The following LNX2 variants were observed in gnomAD, a reference collection of about 807,000 sequenced individuals.
The protein encoded by LNX2 is ligand of numb-protein X 2.
Under a neutral mutation model 66.2 loss-of-function variants are expected in LNX2, and 35 were observed. The ratio of observed to expected loss-of-function variants is 0.53; its 90% CI spans 0.40 to 0.70. The LOEUF (loss-of-function observed/expected upper bound fraction) is 0.70. Ranked by LOEUF, LNX2 falls within the 30% of genes least tolerant of loss-of-function variation. The probability of loss-of-function intolerance (pLI) is 0.00; values close to 1 mark genes in which losing one functional copy is unlikely to be tolerated. For missense variants in LNX2, 791 were observed against 850.8 expected, an observed-to-expected ratio of 0.93 and a Z score of 0.87; for synonymous variants, 337 against 315.6, an observed-to-expected ratio of 1.07 and a Z score of -0.72.
intron 2 of LNX2, among the ~76,000 whole-genome samples, chr13:27,572,142 T>C (rs9512750): frequency 0.57 from 86,666 of 152,052 alleles, 25,171 homozygotes; most frequent in African/African-American, 0.67. Flanking sequence ...CTTCTAAAAA[T>C]TTGTACCTAG....
chr13:27,610,499 C>T (rs918312828), intron 1 of LNX2, among the ~76,000 whole-genome samples: 1 of 152,082 alleles, frequency 6.6e-6, no homozygotes, highest in Non-Finnish European at 1.5e-5. Flanking sequence ...TCAAAAATTG[C>T]CTCAAAATGG....
intron 7 of LNX2, among the ~76,000 whole-genome samples, chr13:27,554,921 A>T (rs1313723253): frequency 2.0e-5 from 3 of 152,110 alleles, no homozygotes; most frequent in Non-Finnish European, 4.4e-5. Flanking sequence ...CATTATTGTC[A>T]TCCTACTGGT....
At chr13:27,615,842 T>C (rs1263509787) in intron 1 of LNX2, among the ~76,000 whole-genome samples, 1 of 152,210 alleles carries the variant, frequency 6.6e-6, no homozygotes, top group African/African-American at 2.4e-5. Context: ...TCTTTTGCTT[T>C]CCCTCTGACC....
At position 27,569,104 on chromosome 13, in the gene LNX2, A is replaced by AT; in HGVS notation, c.579dup (p.Ser194IlefsTer9). ...TCACTCCATGTGGAAAGAGACGCTGATGTCAAGTGCCGCTCCACAGGCACT... is the reference window on the plus strand; with the variant it reads ...TCACTCCATGTGGAAAGAGACGCTGATTGTCAAGTGCCGCTCCACAGGCACT... On this transcript the variant is annotated frameshift_variant, in exon 3 of 10. Transcript: ENST00000316334. LOFTEE classifies it high-confidence loss of function. The AT allele has an allele frequency of 6.2e-7, 1 of 1,613,374 alleles. No homozygotes were observed. The highest frequency in any genetic ancestry group is 8.5e-7 in the Non-Finnish European group (1 of 1,179,754).
chr13:27,618,049 G>A (rs1364743088), intron 1 of LNX2, among the ~76,000 whole-genome samples: 1 of 152,222 alleles, frequency 6.6e-6, no homozygotes, highest in Non-Finnish European at 1.5e-5. Flanking sequence ...AGTTCTGTCA[G>A]GATAGTTATT....
chr13:27,562,386 T>C, intron 5 of LNX2, 27 bp downstream of exon 5: 1 of 1,590,002 alleles, frequency 6.3e-7, no homozygotes, highest in South Asian at 1.1e-5. Flanking sequence ...CGGCCAAGCC[T>C]TTGGAATGAA....
At chr13:27,555,956 G>T (rs892816976) in intron 7 of LNX2, among the ~76,000 whole-genome samples, 6 of 152,148 alleles carry the variant, frequency 3.9e-5, no homozygotes, top group Non-Finnish European at 5.9e-5. Context: ...ATCTAAGTCT[G>T]TTGTAATGCT....
chr13:27,589,747 T>C (rs1955528212), intron 1 of LNX2, among the ~76,000 whole-genome samples: 1 of 152,208 alleles, frequency 6.6e-6, no homozygotes, highest in African/African-American at 2.4e-5. Context: ...TTACCTTAAT[T>C]TGGAAACAGA....
At chr13:27,551,762 C>T (rs1372235613) in intron 8 of LNX2, among the ~76,000 whole-genome samples, 1 of 152,182 alleles carries the variant, frequency 6.6e-6, no homozygotes, top group Non-Finnish European at 1.5e-5. Flanking sequence ...TGGGATGGAA[C>T]AAGGTCCCAT....
Position 27,562,394 on chromosome 13 carries a change from G to A in LNX2, c.1224+19C>T. ...ATCATTTCGGCCAAGCCTTTGGAAT[G>A]AAGGCCAAGAGGGTTTACCTGAATA... On this transcript the variant is annotated intron_variant, in intron 5 of 9. Coordinates refer to ENST00000316334, the MANE Select transcript of LNX2 (RefSeq NM_153371.4). The A allele has an allele frequency of 1.3e-6, 2 of 1,593,464 alleles. No homozygotes were observed. Among genetic ancestry groups the A allele is most frequent in the African/African-American group, 2.7e-5 (2 of 74,094 alleles).
chr13:27,590,605 A>T (rs1035447901), intron 1 of LNX2, among the ~76,000 whole-genome samples: 7 of 152,130 alleles, frequency 4.6e-5, no homozygotes, highest in Non-Finnish European at 7.3e-5. Context: ...GATGTTAGTA[A>T]ATAGGTGGTT....
At chr13:27,573,283 C>G (rs1458187290) in intron 2 of LNX2, among the ~76,000 whole-genome samples, 4 of 152,074 alleles carry the variant, frequency 2.6e-5, no homozygotes, top group Admixed American at 6.5e-5. Flanking sequence ...TATTAACTGA[C>G]CTGTCTATGG....
intron 2 of LNX2, among the ~76,000 whole-genome samples, chr13:27,580,529 G>A (rs1305423325): frequency 1.3e-5 from 2 of 152,068 alleles, no homozygotes; most frequent in African/African-American, 4.8e-5. Context: ...CACAAATGAC[G>A]TATACTGTAA....
At chr13:27,572,575 T>C (rs767644190) in intron 2 of LNX2, among the ~76,000 whole-genome samples, 4 of 152,194 alleles carry the variant, frequency 2.6e-5, no homozygotes, top group Admixed American at 6.5e-5. Context: ...AAGACCCAAA[T>C]AGGGATTTTT....
At chr13:27,612,669 G>A (rs558149317) in intron 1 of LNX2, among the ~76,000 whole-genome samples, 1 of 152,316 alleles carries the variant, frequency 6.6e-6, no homozygotes, top group South Asian at 2.1e-4. Context: ...CACAATCACA[G>A]CTCACTGCAG....
At chr13:27,553,005 C>T (rs1248680235) in intron 8 of LNX2, among the ~76,000 whole-genome samples, 1 of 152,192 alleles carries the variant, frequency 6.6e-6, no homozygotes, top group Admixed American at 6.5e-5. Flanking sequence ...GGAATGGACA[C>T]AACTGCTTTC....
chr13:27,614,350 A>G (rs377369643), intron 1 of LNX2, among the ~76,000 whole-genome samples: 7 of 152,280 alleles, frequency 4.6e-5, no homozygotes, highest in South Asian at 4.1e-4. Context: ...ATATCTGTTC[A>G]GGTTTTTTGG....
upstream of LNX2, chr13:27,620,888 A>G (rs1338978470): frequency 2.6e-5 from 4 of 151,586 alleles, no homozygotes; most frequent in African/African-American, 9.7e-5. Context: ...AGGAGTGAAC[A>G]TCCAGAGGAA....
Position 27,581,643 on chromosome 13 carries a change from G to T in LNX2, c.61C>A (p.Pro21Thr). The T allele has an allele frequency of 6.2e-6, 10 of 1,613,894 alleles. No homozygotes were observed. The highest frequency in any genetic ancestry group is 7.6e-6 in the Non-Finnish European group (9 of 1,179,900). Residue 21 changes from proline (P) to threonine (T), a missense_variant, in exon 2 of 10, where the codon CCC (proline) becomes ACC (threonine). Pro to Thr is a conservative substitution (Grantham distance 38). Transcript: ENST00000316334. Reference sequence around the variant, plus strand: ...TGTTGGCCACATTCAAAACACAGGGGGTTTAGAGAAGAGGAGGAGGTCTGT... The same window carrying T: ...TGTTGGCCACATTCAAAACACAGGGTGTTTAGAGAAGAGGAGGAGGTCTGT... The part of the protein sequence containing the change: ...VEQTSSSSLN[P>T]LCFECGQQHW...
Sources: allele counts gnomAD v4.1 joint callset (sites outside exome capture counted in the v4.1 genomes callset), GRCh38; gene constraint gnomAD v4.1.1; transcripts MANE v1.5; gene names NCBI Gene and HGNC (gene_info 2026-07-23, HGNC 2026-07-21).